Variants in ABHD1 observed in about 807,000 individuals in gnomAD.
ABHD1 encodes the protein abhydrolase domain containing 1.
ABHD1 carries 47 observed loss-of-function variants against 41.4 expected under a neutral mutation model. The ratio of observed to expected loss-of-function variants is 1.13; its 90% CI spans 0.90 to 1.45. The LOEUF (loss-of-function observed/expected upper bound fraction) is 1.45, where lower values mean the gene tolerates loss of function less well. Among genes scored for constraint, ABHD1 ranks in the 40% most tolerant of loss-of-function variants. The pLI, the probability that ABHD1 is intolerant of heterozygous loss-of-function variation, is 0.00. For missense variants in ABHD1, 550 were observed against 503.4 expected (o/e 1.09, Z -0.89); for synonymous variants, 205 against 203.7 (o/e 1.01, Z -0.05).
At position 27,128,447 on chromosome 2, in the gene ABHD1, C is replaced by T. The variant is rs1167676852; in HGVS notation, c.121C>T (p.Arg41Trp). 6.8e-6 allele frequency: 11 copies of T among 1,613,886 alleles called. No homozygotes were observed. The highest frequency in any genetic ancestry group is 1.6e-4 in the Middle Eastern group (1 of 6,068). Reference sequence around the variant, plus strand: ...GACTGCTGTGTGATTACAGAGGCCTCGGCTGGTGGCTGGGCCGCAGTTTCT... The same window carrying T: ...GACTGCTGTGTGATTACAGAGGCCTTGGCTGGTGGCTGGGCCGCAGTTTCT... ...YYWACVLQRP[R>W]LVAGPQFLAF... The change falls in exon 2 of 9, where the codon CGG becomes TGG. Residue 41 changes from arginine (R) to tryptophan (W), a missense_variant. Physicochemically the swap from Arg to Trp is moderately radical, Grantham distance 101 (BLOSUM62 -3). Transcript: ENST00000316470.
intron 1 of ABHD1, chr2:27,124,930 C>T (rs1012662777): frequency 1.3e-5 from 2 of 152,234 alleles, no homozygotes; most frequent in African/African-American, 4.8e-5. Flanking sequence ...CGCCTGAGGT[C>T]GGGAGTTCGA....
intron 8 of ABHD1, 41 bp downstream of exon 8, chr2:27,130,457 T>C (rs771539801): frequency 6.2e-7 from 1 of 1,613,116 alleles, no homozygotes. Flanking sequence ...CCAAGGAAAA[T>C]GGGCCATGAG....
chr2:27,124,268 G>A, intron 1 of ABHD1: 1 of 672,234 alleles, frequency 1.5e-6, no homozygotes, highest in Non-Finnish European at 2.7e-6. Context: ...TTGGGTACCG[G>A]AGGGTGCTGC....
chr2:27,129,071 T>C lies in ABHD1; in HGVS notation c.402T>C (p.Ser134=). ...IVLLLPGITG[S]SQETYVLHLV... ...TGCTGCTTCCTGGCATCACTGGCAG[T>C]AGCCAGGAGACATACGTCTTGCACC... The change falls in exon 3 of 9, where the codon AGT becomes AGC. Residue 134 remains serine (S), a synonymous_variant. Coordinates refer to ENST00000316470, the MANE Select transcript of ABHD1 (RefSeq NM_032604.4). 1 of 1,614,036 alleles carries C rather than the reference T, an allele frequency of 6.2e-7. No individual in the cohort carries two copies. The highest frequency in any genetic ancestry group is 8.5e-7 in the Non-Finnish European group (1 of 1,180,010).
chr2:27,128,655 C>A (rs889874271), intron 2 of ABHD1, 54 bp downstream of exon 2: 2 of 1,599,552 alleles, frequency 1.3e-6, no homozygotes, highest in Admixed American at 1.7e-5. Flanking sequence ...TAGGGAAAAA[C>A]CTATCTACCA....
At chr2:27,128,400 C>T in intron 1 of ABHD1, 41 bp from the exon 2 acceptor site, 5 of 1,612,158 alleles carry the variant, frequency 3.1e-6, no homozygotes, top group Non-Finnish European at 4.2e-6. Context: ...TAGCTTGGTG[C>T]AAAAGTCAGG....
chr2:27,124,160 C>A, intron 1 of ABHD1, 98 bp downstream of exon 1: 2 of 1,136,252 alleles, frequency 1.8e-6, no homozygotes. Context: ...GATGGTTGGG[C>A]TTCCCCACAG....
intron 7 of ABHD1, 38 bp from the exon 8 acceptor site, chr2:27,130,213 C>CT (rs764004407): frequency 6.2e-7 from 1 of 1,614,130 alleles, no homozygotes; most frequent in Non-Finnish European, 8.5e-7. Context: ...TCTTCCTATT[C>CT]TTTATCATCT....
chr2:27,127,218 A>C (rs1395720904), intron 1 of ABHD1, among the ~76,000 whole-genome samples: 7 of 149,632 alleles, frequency 4.7e-5, no homozygotes, highest in Admixed American at 4.0e-4. Context: ...TCTTAGGAAG[A>C]AGACAGTGTA....
chr2:27,129,430 ACCT>A lies in ABHD1; in HGVS notation c.504+73_504+75del, dbSNP rs913391169. 8.1e-5 allele frequency: 131 copies of A among 1,611,722 alleles called. No individual in the cohort carries two copies. The African/African-American group carries it at 1.1e-3, about 13-fold the overall frequency. Reference sequence around the variant, plus strand: ...TTAGAGATCCTTGGCCCTGGGGCTCACCTCCTACCTATCCTTCCTCAGTTTCCC... The same window carrying A: ...TTAGAGATCCTTGGCCCTGGGGCTCACCTACCTATCCTTCCTCAGTTTCCC... On this transcript the variant is annotated intron_variant, in intron 4 of 8. Coordinates refer to ENST00000316470, the MANE Select transcript of ABHD1 (RefSeq NM_032604.4).
chr2:27,124,066 G>T lies in ABHD1; in HGVS notation c.114+4G>T. ...CTACTGGGCATGTGTGCTTCAGGTG[G>T]GTGCGGGTCCACCGCTCTGGCCAGC... On this transcript the variant is annotated splice_donor_region_variant and intron_variant, in intron 1 of 8. Transcript: ENST00000316470. The T allele has an allele frequency of 1.2e-6, 2 of 1,613,712 alleles. No homozygotes were observed. Among genetic ancestry groups the T allele is most frequent in the South Asian group, 1.1e-5 (1 of 91,078 alleles).
In ABHD1 at chr2:27,129,385, C is replaced by G. The variant is rs189178568; in HGVS notation, c.504+24C>G. 3.1e-6 allele frequency: 5 copies of G among 1,613,862 alleles called. No individual in the cohort carries two copies. The East Asian group carries it at 8.9e-5, about 29-fold the overall frequency. On this transcript the variant is annotated intron_variant, in intron 4 of 8. Coordinates refer to ENST00000316470, the MANE Select transcript of ABHD1 (RefSeq NM_032604.4). ...GGGTGAGTAGCTGCCTTCCTCATAG[C>G]AGCCCTTCACCCACTCCCTTTAGAG...
intron 1 of ABHD1, 72 bp downstream of exon 1, chr2:27,124,134 C>T (rs761211351): frequency 7.1e-7 from 1 of 1,412,296 alleles, no homozygotes; most frequent in South Asian, 1.2e-5. Flanking sequence ...GGGCTTGGGC[C>T]CTTGGTGGGA....
In ABHD1 at chr2:27,130,758, TG is replaced by T; in HGVS notation, c.*18del. 1 of 1,611,442 alleles carries T rather than the reference TG, an allele frequency of 6.2e-7. No individual in the cohort carries two copies. Among genetic ancestry groups the T allele is most frequent in the South Asian group, 1.1e-5 (1 of 91,032 alleles). On this transcript the variant is annotated 3_prime_UTR_variant, in exon 9 of 9. Coordinates refer to ENST00000316470, the MANE Select transcript of ABHD1 (RefSeq NM_032604.4). ...AGAAACAGCTGACAAGAGTACCATT[TG>T]GGGTCTCAGTTCACTCTTTCCTTGT...
rs1558475683 is a variant in ABHD1 at position 27,129,793 on chromosome 2, T to C, written c.657T>C (p.Ala219=). 6.2e-7 allele frequency: 1 copy of C among 1,614,246 alleles called. No individual in the cohort carries two copies. The highest frequency in any genetic ancestry group is 2.2e-5 in the East Asian group (1 of 44,886). Residue 219 remains alanine (A), a synonymous_variant, in exon 6 of 9, where the codon GCT becomes GCC. Transcript: ENST00000316470. ...VLNHLAQARQ[A]AGLVAALTLS... ...ATCACCTGGCACAGGCCAGGCAGGCTGCAGGGCTGGTGGCAGCACTGACTC... is the reference window on the plus strand; with the variant it reads ...ATCACCTGGCACAGGCCAGGCAGGCCGCAGGGCTGGTGGCAGCACTGACTC...
At chr2:27,125,736 A>G (rs933565982) in intron 1 of ABHD1, 1 of 151,942 alleles carries the variant, frequency 6.6e-6, no homozygotes, top group Non-Finnish European at 1.5e-5. Flanking sequence ...CCCTATCTCT[A>G]CTAAAAATAC....
intron 1 of ABHD1, among the ~76,000 whole-genome samples, chr2:27,127,827 T>C (rs1173860962): frequency 5.9e-5 from 9 of 152,012 alleles, no homozygotes; most frequent in African/African-American, 2.2e-4. Context: ...CCCAAAGTGC[T>C]GGGATTACAG....
chr2:27,127,231 T>G (rs1052941944), intron 1 of ABHD1, among the ~76,000 whole-genome samples: 1 of 144,738 alleles, frequency 6.9e-6, no homozygotes, highest in Non-Finnish European at 1.5e-5. Context: ...ACAGTGTAGC[T>G]TCATCTTTTT....
Position 27,129,501 on chromosome 2 carries a change from G to T in ABHD1, c.505-13G>T. ...GGTCTCCCTCCCTACCCAATGATCT[G>T]GTTTGCCCTCAGACCCACAGGGCTT... On this transcript the variant is annotated splice_polypyrimidine_tract_variant and intron_variant, in intron 4 of 8. Transcript: ENST00000316470. 1 of 1,613,810 alleles carries T rather than the reference G, an allele frequency of 6.2e-7. No individual in the cohort carries two copies. The highest frequency in any genetic ancestry group is 8.5e-7 in the Non-Finnish European group (1 of 1,179,754).
Sources: gnomAD v4.1 joint callset for allele counts (sites outside exome capture counted in the v4.1 genomes callset) on GRCh38, gnomAD v4.1.1 for gene constraint, MANE v1.5 for transcripts, NCBI Gene and HGNC (gene_info 2026-07-23, HGNC 2026-07-21) for gene names.